UCN3: variants seen among roughly 807,000 people sequenced by gnomAD.
The protein encoded by UCN3 is urocortin-3.
In UCN3, 3 loss-of-function variants were observed where a neutral mutation model predicts 3.6. The ratio of observed to expected loss-of-function variants is 0.83; its 90% CI spans 0.38 to 2.15. The LOEUF is 2.15. UCN3 is among the 30% of genes most tolerant of loss of function. The pLI is 0.06. For missense variants in UCN3, 206 were observed against 208.3 expected (o/e 0.99, Z 0.07); for synonymous variants, 100 against 93.2 (o/e 1.07, Z -0.42).
rs1564442426 is a variant in UCN3 at position 5,370,151 on chromosome 10, A to ATG, written c.-6-3563_-6-3562insGT. ...TGTGTATGTGTGTGTATGCGTGTGT[A>ATG]TATGTGTGTGTATATGTGTGTGTAT... On this transcript the variant is annotated intron_variant, in intron 1 of 1. Coordinates refer to ENST00000380433, the MANE Select transcript of UCN3 (RefSeq NM_053049.4). Among the ~76,000 whole-genome samples the ATG allele has an allele frequency of 1.3e-3, 20 of 15,050 alleles. 2 individuals are homozygous for ATG. Among genetic ancestry groups the ATG allele is most frequent in the African/African-American group, 6.0e-3 (14 of 2,340 alleles). The allele number at this position is 15,050 out of a possible 152,430, so 9.9% of individuals were successfully genotyped here.
rs1554810681 is a variant in UCN3 at position 5,366,052 on chromosome 10, ACTT to A, written c.-7+826_-7+828del. On this transcript the variant is annotated intron_variant, in intron 1 of 1. Transcript: ENST00000380433. This position sits in a 1 kb window ranked among gnomAD's most constrained non-coding sequence, Gnocchi z 4.2. ...TTTTAAGTGGTCTAGTTTCAGTTTA[ACTT>A]CTTATCAGTGTTTGCAGACAAACGG... Among the ~76,000 whole-genome samples, 13 of 152,246 alleles carry A rather than the reference ACTT, an allele frequency of 8.5e-5. No homozygotes were observed.
At chr10:5,371,035 GTC>G (rs1831417428) in intron 1 of UCN3, among the ~76,000 whole-genome samples, 1 of 149,906 alleles carries the variant, frequency 6.7e-6, no homozygotes, top group Non-Finnish European at 1.5e-5. Flanking sequence ...GTGTGCATGT[GTC>G]TATATGTATG....
In UCN3 at chr10:5,374,437, C is replaced by T. The variant is rs535637905; in HGVS notation, c.*231C>T. ...CAGAAGTGCAGTATTGTCCAACCTT[C>T]CCAGACACAAAGCAGCTAACGTTCC... On this transcript the variant is annotated 3_prime_UTR_variant, in exon 2 of 2. Coordinates refer to ENST00000380433, the MANE Select transcript of UCN3 (RefSeq NM_053049.4). 10 of 526,108 alleles carry T rather than the reference C, an allele frequency of 1.9e-5. 2 individuals are homozygous for T. The highest frequency in any genetic ancestry group is 1.5e-4 in the African/African-American group (8 of 52,360). The allele number at this position is 526,108 out of a possible 1,614,324, so 32.6% of individuals were successfully genotyped here.
rs200138117 is a variant in UCN3, at chr10:5,370,882, TGC to T, written c.-6-2831_-6-2830del. Among the ~76,000 whole-genome samples, 14 of 88,898 alleles carry T rather than the reference TGC, an allele frequency of 1.6e-4. 1 individual carries two copies. The highest frequency in any genetic ancestry group is 2.9e-4 in the Admixed American group (2 of 6,924). 58.3% of individuals were successfully genotyped at this position (88,898 alleles called of 152,430 possible). On this transcript the variant is annotated intron_variant, in intron 1 of 1. Transcript: ENST00000380433. ...GTGTGCGTGTGTATGTGTGTGTATA[TGC>T]GTGTGTATATGCGTGTGTATATGCG...
chr10:5,373,345 A>T (rs900871673), intron 1 of UCN3, among the ~76,000 whole-genome samples: 2 of 152,218 alleles, frequency 1.3e-5, no homozygotes, highest in Admixed American at 1.3e-4. Flanking sequence ...CTAGGTGCTT[A>T]CTTAGTATAT....
At chr10:5,371,214 A>G (rs1831422837) in intron 1 of UCN3, among the ~76,000 whole-genome samples, 1 of 149,112 alleles carries the variant, frequency 6.7e-6, no homozygotes, top group South Asian at 2.1e-4. Context: ...ATGTGTGCAT[A>G]TGTGTGCATG....
rs1286144448 is a variant in UCN3, at chr10:5,370,822, TGCGCGCGTGTGTGTGCGCGTGTGTGTGC to T, written c.-6-2889_-6-2862del. On this transcript the variant is annotated intron_variant, in intron 1 of 1. Coordinates refer to ENST00000380433, the MANE Select transcript of UCN3 (RefSeq NM_053049.4). ...GTGTATATGTGTGTGTGCGTGTGTGTGCGCGCGTGTGTGTGCGCGTGTGTGTGCGCGTGTGTGTGCGTGTGTATGTGTG... is the reference window on the plus strand; with the variant it reads ...GTGTATATGTGTGTGTGCGTGTGTGTGCGTGTGTGTGCGTGTGTATGTGTG... Among the ~76,000 whole-genome samples, 45 of 104,066 alleles carry T rather than the reference TGCGCGCGTGTGTGTGCGCGTGTGTGTGC, an allele frequency of 4.3e-4. 1 individual carries two copies. The highest frequency in any genetic ancestry group is 1.6e-3 in the African/African-American group (43 of 26,114). 68.3% of individuals were successfully genotyped at this position (104,066 alleles called of 152,430 possible). A position where few individuals can be genotyped will look rare whatever the true frequency, so the allele number is the denominator to read the frequency against.
rs868947832 is a variant in UCN3 at position 5,366,237 on chromosome 10, C to T, written c.-7+1007C>T. 6.6e-6 allele frequency among the ~76,000 whole-genome samples: 1 copy of T among 152,216 alleles called. No individual in the cohort carries two copies. Among genetic ancestry groups the T allele is most frequent in the African/African-American group, 2.4e-5 (1 of 41,462 alleles). ...GTTTCAGTGCTTGGCTCTGCCACAGCTCCCAGAAGTAACTGTGTCTCTTTA... is the reference window on the plus strand; with the variant it reads ...GTTTCAGTGCTTGGCTCTGCCACAGTTCCCAGAAGTAACTGTGTCTCTTTA... On this transcript the variant is annotated intron_variant, in intron 1 of 1. Coordinates refer to ENST00000380433, the MANE Select transcript of UCN3 (RefSeq NM_053049.4). The surrounding 1 kb of genome is among the most constrained non-coding windows in gnomAD (Gnocchi z 4.2).
chr10:5,370,867 G>GTATGTGTGTGTA lies in UCN3; in HGVS notation c.-6-2843_-6-2832dup, dbSNP rs1471366726. Among the ~76,000 whole-genome samples, 14 of 89,954 alleles carry GTATGTGTGTGTA rather than the reference G, an allele frequency of 1.6e-4. 2 individuals are homozygous for GTATGTGTGTGTA. The highest frequency in any genetic ancestry group is 5.7e-4 in the African/African-American group (14 of 24,486). The allele number at this position is 89,954 out of a possible 152,430, so 59.0% of individuals were successfully genotyped here. ...TGTGTGTGCGCGTGTGTGTGCGTGT[G>GTATGTGTGTGTA]TATGTGTGTGTATATGCGTGTGTAT... is the stretch of plus-strand genomic sequence containing the variant. On this transcript the variant is annotated intron_variant, in intron 1 of 1. Coordinates refer to ENST00000380433, the MANE Select transcript of UCN3 (RefSeq NM_053049.4).
At chr10:5,370,723 TATGC>T (rs1750548376) in intron 1 of UCN3, among the ~76,000 whole-genome samples, 1 of 118,006 alleles carries the variant, frequency 8.5e-6, no homozygotes, top group African/African-American at 3.8e-5. Context: ...TGTGTGTGTA[TATGC>T]GTGTGTATAT....
At chr10:5,370,794 C>CGTGT (rs1396430171) in intron 1 of UCN3, among the ~76,000 whole-genome samples, 1 of 70,758 alleles carries the variant, frequency 1.4e-5, no homozygotes, top group African/African-American at 6.8e-5. Context: ...TGTGTGTATG[C>CGTGT]GTGTGTATAT....
Position 5,370,342 on chromosome 10 carries a change from CGTGTGTATATGT to C in UCN3, c.-6-3361_-6-3350del, listed in dbSNP as rs1378028881. On this transcript the variant is annotated intron_variant, in intron 1 of 1. Coordinates refer to ENST00000380433, the MANE Select transcript of UCN3 (RefSeq NM_053049.4). ...GTGTGTGTATATGCGTGTGTATATGCGTGTGTATATGTGTGTGTATATGCGTGTGTATATGCG... is the reference window on the plus strand; with the variant it reads ...GTGTGTGTATATGCGTGTGTATATGCGTGTGTATATGCGTGTGTATATGCG... 8.4e-3 allele frequency among the ~76,000 whole-genome samples: 90 copies of C among 10,778 alleles called. 15 individuals are homozygous for C. The highest frequency in any genetic ancestry group is 0.079 in the Admixed American group (73 of 924). 7.1% of individuals were successfully genotyped at this position (10,778 alleles called of 152,430 possible). A position where few individuals can be genotyped will look rare whatever the true frequency, so the allele number is the denominator to read the frequency against.
intron 1 of UCN3, among the ~76,000 whole-genome samples, chr10:5,370,583 G>C (rs1425381493): frequency 8.2e-6 from 1 of 122,062 alleles, no homozygotes; most frequent in Admixed American, 9.1e-5. Flanking sequence ...GTGTATATGT[G>C]TGTATATGTG....
At chr10:5,372,533 A>G (rs1831443986) in intron 1 of UCN3, among the ~76,000 whole-genome samples, 1 of 152,148 alleles carries the variant, frequency 6.6e-6, no homozygotes, top group Admixed American at 6.5e-5. Context: ...AACAGTCCAT[A>G]TGCTAATGCT....
In UCN3 at chr10:5,370,646, T is replaced by TGC. The variant is rs1554811301; in HGVS notation, c.-6-3068_-6-3067insCG. 2.7e-4 allele frequency among the ~76,000 whole-genome samples: 18 copies of TGC among 67,270 alleles called. 1 individual carries two copies. The highest frequency in any genetic ancestry group is 9.8e-4 in the African/African-American group (13 of 13,240). The allele number at this position is 67,270 out of a possible 152,430, so 44.1% of individuals were successfully genotyped here. A position where few individuals can be genotyped will look rare whatever the true frequency, so the allele number is the denominator to read the frequency against. On this transcript the variant is annotated intron_variant, in intron 1 of 1. Transcript: ENST00000380433. ...ATATGCGTGTGTATGTGTGTGTATATGTGTGTGTATGTGTGTGTATGTGTG... is the reference window on the plus strand; with the variant it reads ...ATATGCGTGTGTATGTGTGTGTATATGCGTGTGTGTATGTGTGTGTATGTGTG...
chr10:5,370,373 A>G (rs1405245157), intron 1 of UCN3, among the ~76,000 whole-genome samples: 1 of 43,676 alleles, frequency 2.3e-5, no homozygotes, highest in Non-Finnish European at 3.8e-5. Context: ...ATGCGTGTGT[A>G]TATGCGTGTA....
chr10:5,371,450 T>C (rs1554811567), intron 1 of UCN3, among the ~76,000 whole-genome samples: 1 of 152,106 alleles, frequency 6.6e-6, no homozygotes, highest in Non-Finnish European at 1.5e-5. Context: ...TGTGTGTGTG[T>C]CTGTTTCCAG....
At chr10:5,370,029 A>ATGTGTGTGTG (rs1831330939) in intron 1 of UCN3, among the ~76,000 whole-genome samples, 1 of 79,014 alleles carries the variant, frequency 1.3e-5, no homozygotes, top group South Asian at 4.7e-4. Context: ...ATGTGTGTGT[A>ATGTGTGTGTG]TATGCGTGTG....
chr10:5,370,222 TGTGCGTGTGTGTATGC>T (rs1564442575), intron 1 of UCN3, among the ~76,000 whole-genome samples: 2 of 91,884 alleles, frequency 2.2e-5, no homozygotes, highest in African/African-American at 1.1e-4. Context: ...TGTGTGTGTA[TGTGCGTGTGTGTATGC>T]GTGTGTGTAT....
Sources: gnomAD v4.1 joint callset for allele counts (sites outside exome capture counted in the v4.1 genomes callset) on GRCh38, gnomAD v4.1.1 for gene constraint, Gnocchi (gnomAD v3.1) non-coding constraint, MANE v1.5 for transcripts, NCBI Gene and HGNC (gene_info 2026-07-23, HGNC 2026-07-21) for gene names.